Variants in RETREG1 observed in about 807,000 individuals in gnomAD.
RETREG1 encodes family with sequence similarity 134 member B.
A neutral mutation model predicts 54.8 loss-of-function variants in RETREG1; 44 were observed. The ratio of observed to expected loss-of-function variants is 0.80; its 90% CI spans 0.63 to 1.03. The LOEUF (loss-of-function observed/expected upper bound fraction) is 1.03. Ranked by LOEUF, RETREG1 falls within the 50% of genes least tolerant of loss-of-function variation. The pLI, the probability that RETREG1 is intolerant of heterozygous loss-of-function variation, is 0.00. For missense variants in RETREG1, 554 were observed against 605.1 expected, an observed-to-expected ratio of 0.92 and a Z score of 0.89; for synonymous variants, 217 against 238.5, an observed-to-expected ratio of 0.91 and a Z score of 0.83.
chr5:16,615,412 A>AAAAGAAAGAAAGAAAG (rs1236749186), intron 1 of RETREG1, among the ~76,000 whole-genome samples: 1 of 150,112 alleles, frequency 6.7e-6, no homozygotes, highest in Admixed American at 6.6e-5. Flanking sequence ...AAAAAAAAAA[A>AAAAGAAAGAAAGAAAG]AAAGAAAGAA....
At chr5:16,500,593 G>A (rs1455749946) in intron 3 of RETREG1, among the ~76,000 whole-genome samples, 1 of 152,122 alleles carries the variant, frequency 6.6e-6, no homozygotes, top group East Asian at 1.9e-4. Context: ...AAGATTCAGA[G>A]TGCTCAAAAG....
intron 3 of RETREG1, among the ~76,000 whole-genome samples, chr5:16,523,031 GAGAT>G (rs1321716300): frequency 3.3e-5 from 5 of 151,818 alleles, no homozygotes; most frequent in East Asian, 1.9e-4. Context: ...AAGAAAGAAA[GAGAT>G]AGAGAGAGAG....
chr5:16,543,384 T>C (rs2126608772), intron 3 of RETREG1, among the ~76,000 whole-genome samples: 1 of 152,264 alleles, frequency 6.6e-6, no homozygotes, highest in South Asian at 2.1e-4. Flanking sequence ...TTAAAAAAAC[T>C]GCTAAACTGG....
At chr5:16,529,563 G>A (rs570330731) in intron 3 of RETREG1, among the ~76,000 whole-genome samples, 11 of 152,236 alleles carry the variant, frequency 7.2e-5, no homozygotes, top group African/African-American at 2.4e-4. Flanking sequence ...TGTTAATGTG[G>A]TAATTTAACA....
At chr5:16,560,144 T>C (rs1741816857) in intron 3 of RETREG1, among the ~76,000 whole-genome samples, 1 of 152,244 alleles carries the variant, frequency 6.6e-6, no homozygotes, top group African/African-American at 2.4e-5. Flanking sequence ...GGTTTACCAT[T>C]ACATTCAGTG....
At chr5:16,497,125 T>TGCTAG (rs1739494614) in intron 3 of RETREG1, among the ~76,000 whole-genome samples, 1 of 152,214 alleles carries the variant, frequency 6.6e-6, no homozygotes, top group Non-Finnish European at 1.5e-5. Context: ...ACACACCAAG[T>TGCTAG]GCTAGGCATG....
chr5:16,477,562 T>C lies in RETREG1; in HGVS notation c.1000+100A>G, dbSNP rs115487310. On this transcript the variant is annotated intron_variant, in intron 8 of 8. Transcript: ENST00000306320. ...GCCAAGTAATATTCTACTGTGTAGATATGGTGGTAACATGTTATTTACCCA... is the reference window on the plus strand; with the variant it reads ...GCCAAGTAATATTCTACTGTGTAGACATGGTGGTAACATGTTATTTACCCA... 9.7e-3 allele frequency: 10,737 copies of C among 1,105,778 alleles called. 80 individuals carry two copies. Among genetic ancestry groups the C allele is most frequent in the Non-Finnish European group, 0.012 (8,883 of 725,440 alleles). The allele number at this position is 1,105,778 out of a possible 1,614,324, so 68.5% of individuals were successfully genotyped here.
intron 1 of RETREG1, among the ~76,000 whole-genome samples, chr5:16,596,682 C>T (rs1742900735): frequency 6.6e-6 from 1 of 152,160 alleles, no homozygotes; most frequent in African/African-American, 2.4e-5. Flanking sequence ...CACGCACCCT[C>T]CAGGGCAAAA....
At chr5:16,589,241 C>T (rs1742694747) in intron 1 of RETREG1, among the ~76,000 whole-genome samples, 1 of 151,978 alleles carries the variant, frequency 6.6e-6, no homozygotes, top group South Asian at 2.1e-4. Flanking sequence ...AGTGTTGACA[C>T]TCTTGGGGAT....
chr5:16,544,684 T>G (rs1241869616), intron 3 of RETREG1, among the ~76,000 whole-genome samples: 2 of 152,234 alleles, frequency 1.3e-5, no homozygotes, highest in African/African-American at 4.8e-5. Flanking sequence ...GATCCATCCT[T>G]TTACCAATGA....
chr5:16,516,773 A>C (rs1182994002), intron 3 of RETREG1, among the ~76,000 whole-genome samples: 1 of 152,104 alleles, frequency 6.6e-6, no homozygotes, highest in Admixed American at 6.6e-5. Context: ...ATATAACAAA[A>C]AAAAAAATCT....
At chr5:16,587,910 T>C (rs1742664573) in intron 1 of RETREG1, among the ~76,000 whole-genome samples, 1 of 152,114 alleles carries the variant, frequency 6.6e-6, no homozygotes, top group South Asian at 2.1e-4. Flanking sequence ...CCAATCCCTT[T>C]CCAGGTGAAT....
At chr5:16,575,420 T>C (rs369462367) in intron 1 of RETREG1, among the ~76,000 whole-genome samples, 3 of 152,214 alleles carry the variant, frequency 2.0e-5, no homozygotes, top group East Asian at 3.8e-4. Context: ...TTAAAAGTCT[T>C]TGGAGCTGGC....
intron 1 of RETREG1, among the ~76,000 whole-genome samples, chr5:16,577,419 T>C (rs1486281817): frequency 6.6e-6 from 1 of 151,988 alleles, no homozygotes; most frequent in Admixed American, 6.5e-5. Context: ...AATCCCTGTC[T>C]AGTGGCTGAT....
chr5:16,586,860 C>A (rs1742638024), intron 1 of RETREG1, among the ~76,000 whole-genome samples: 1 of 152,176 alleles, frequency 6.6e-6, no homozygotes, highest in African/African-American at 2.4e-5. Flanking sequence ...AACACTAAGG[C>A]CTTAGCAGAT....
At chr5:16,595,137 T>C (rs1392855174) in intron 1 of RETREG1, among the ~76,000 whole-genome samples, 1 of 152,230 alleles carries the variant, frequency 6.6e-6, no homozygotes, top group Admixed American at 6.5e-5. Context: ...ATTTCCTGAC[T>C]CATGGTGAGA....
intron 3 of RETREG1, among the ~76,000 whole-genome samples, chr5:16,551,778 T>A (rs892505582): frequency 1.5e-4 from 23 of 152,094 alleles, no homozygotes; most frequent in Admixed American, 8.5e-4. Context: ...ACCACAAAAA[T>A]CCATCATCTT....
intron 3 of RETREG1, among the ~76,000 whole-genome samples, chr5:16,506,460 A>G (rs1017105909): frequency 1.4e-5 from 2 of 146,120 alleles, no homozygotes; most frequent in Non-Finnish European, 3.0e-5. Context: ...GTTCCATTGC[A>G]ATCTTTTTGT....
intron 6 of RETREG1, 25 bp from the exon 7 acceptor site, chr5:16,478,123 T>C (rs758252398): frequency 5.3e-5 from 83 of 1,556,294 alleles, no homozygotes; most frequent in Non-Finnish European, 7.2e-5. Flanking sequence ...ATTTGGAAGC[T>C]TTCAGTTTCC....
Sources: gnomAD v4.1 joint callset for allele counts (sites outside exome capture counted in the v4.1 genomes callset) on GRCh38, gnomAD v4.1.1 for gene constraint, MANE v1.5 for transcripts, NCBI Gene and HGNC (gene_info 2026-07-23, HGNC 2026-07-21) for gene names.